The following AHCYL1 variants were observed in gnomAD, a reference collection of about 807,000 sequenced individuals.
AHCYL1 encodes the protein S-adenosylhomocysteine hydrolase-like protein 1.
AHCYL1 carries 20 observed loss-of-function variants against 79.3 expected under a neutral mutation model. That is an observed-to-expected ratio of 0.25 (90% CI 0.18 to 0.37). The LOEUF is 0.37. Ranked by LOEUF, AHCYL1 falls within the 10% of genes least tolerant of loss-of-function variation. AHCYL1 has a pLI of 1.00. For synonymous variants in AHCYL1, 223 were observed against 242.2 expected (o/e 0.92, Z 0.74); for missense variants, 330 against 673.6 (o/e 0.49, Z 5.65).
chr1:110,020,958 T>C, intron 16 of AHCYL1, 107 bp downstream of exon 16: 1 of 1,482,028 alleles, frequency 6.7e-7, no homozygotes, highest in Non-Finnish European at 9.0e-7. Context: ...TTTTGAAGAA[T>C]ACAAGAAATC....
In AHCYL1 at chr1:110,018,568, C is replaced by G; in HGVS notation, c.1235C>G (p.Pro412Arg). Residue 412 changes from proline (P) to arginine (R), a missense_variant, in exon 13 of 17, where the codon CCG (proline) becomes CGG (arginine). Pro to Arg is a moderately radical substitution (Grantham distance 103). This residue lies in a region of AHCYL1 where 119 missense variants were observed against 293.3 expected (regional missense o/e 0.41). Transcript: ENST00000369799. ...TEIDVTSLRT[P>R]ELTWERVRSQ... ...TCCTTTCAGACCAGCCTCCGCACTC[C>G]GGAGCTGACGTGGGAGCGAGTACGT... 1 of 1,614,062 alleles carries G rather than the reference C, an allele frequency of 6.2e-7. No individual in the cohort carries two copies. The highest frequency in any genetic ancestry group is 8.5e-7 in the Non-Finnish European group (1 of 1,180,008).
Position 110,011,217 on chromosome 1 carries a change from C to T in AHCYL1, c.236C>T (p.Ala79Val), listed in dbSNP as rs762851818. 1 of 1,613,218 alleles carries T rather than the reference C, an allele frequency of 6.2e-7. No homozygotes were observed. ...QSSTDSYSSA[A>V]SYTDSSDDEV... The stretch of plus-strand genomic sequence containing the variant: ...TTTTTTTCTTTCCTGGCTCTAGCTG[C>T]ATCCTACACAGATAGCTCTGATGAT... The change falls in exon 3 of 17, where the codon GCA (alanine) becomes GTA (valine). Residue 79 changes from alanine to valine, a missense_variant. By Grantham distance (64) the Ala-to-Val change is moderately conservative. Transcript: ENST00000369799.
Position 110,014,869 on chromosome 1 carries a change from T to G in AHCYL1, c.675+12T>G. 6.2e-7 allele frequency: 1 copy of G among 1,602,836 alleles called. No homozygotes were observed. The highest frequency in any genetic ancestry group is 8.5e-7 in the Non-Finnish European group (1 of 1,169,654). On this transcript the variant is annotated intron_variant, in intron 6 of 16. Transcript: ENST00000369799. The stretch of plus-strand genomic sequence containing the variant: ...GGCAGGCCAACATGGTAATAATGCA[T>G]ATACATCCTACACTTTGACAATAGA...
chr1:110,004,425 G>A (rs1650518652), intron 1 of AHCYL1: 4 of 985,362 alleles, frequency 4.1e-6, no homozygotes, highest in South Asian at 4.7e-5. Flanking sequence ...GCCTGAGATT[G>A]ATTCCCTTGA....
intron 1 of AHCYL1, 72 bp from the exon 2 acceptor site, chr1:110,008,962 T>C: frequency 3.3e-6 from 4 of 1,215,886 alleles, no homozygotes; most frequent in Non-Finnish European, 4.7e-6. Flanking sequence ...AAAGACAATG[T>C]ATCCTTAAAA....
intron 9 of AHCYL1, 41 bp from the exon 10 acceptor site, chr1:110,017,454 C>G: frequency 6.3e-7 from 1 of 1,590,398 alleles, no homozygotes; most frequent in Non-Finnish European, 8.6e-7. Flanking sequence ...ATATCCATGA[C>G]TTAATGAACC....
In AHCYL1 at chr1:110,018,438, A is replaced by G. The variant is rs1301609164; in HGVS notation, c.1189A>G (p.Met397Val). ...RMKNSCIVCN[M>V]GHSNTEIDVT... ...GAAAAACAGTTGTATCGTATGCAAT[A>G]TGGGCCACTCCAACACAGAAATCGA... The change falls in exon 12 of 17, where the codon ATG (methionine) becomes GTG (valine). Residue 397 changes from methionine (M) to valine (V), a missense_variant. Physicochemically the swap from Met to Val is conservative, Grantham distance 21 (BLOSUM62 1). Transcript: ENST00000369799. 6.2e-7 allele frequency: 1 copy of G among 1,614,124 alleles called. No homozygotes were observed.
rs1161839414 is a variant in AHCYL1, at chr1:110,012,822, A to G, written c.478-75A>G. 17 of 1,169,648 alleles carry G rather than the reference A, an allele frequency of 1.5e-5. No individual in the cohort carries two copies. The East Asian group carries it at 3.9e-4, about 27-fold the overall frequency. 72.5% of individuals were successfully genotyped at this position (1,169,648 alleles called of 1,614,324 possible). ...TGGTGCAGAGTTGATAGGTATTGCT[A>G]TCTTGATGAGGCTTGCTCTCCATTC... On this transcript the variant is annotated intron_variant, in intron 4 of 16. Coordinates refer to ENST00000369799, the MANE Select transcript of AHCYL1 (RefSeq NM_006621.7).
rs1162983139 is a variant in AHCYL1 at position 110,023,102 on chromosome 1, C to T, written c.*1422C>T. ...ATTATCCAGGATTTTAAATCCTCAACTTGTTCTAGCTTGTGATCCCTCAAA... is the reference window on the plus strand; with the variant it reads ...ATTATCCAGGATTTTAAATCCTCAATTTGTTCTAGCTTGTGATCCCTCAAA... On this transcript the variant is annotated 3_prime_UTR_variant, in exon 17 of 17. Transcript: ENST00000369799. The T allele has an allele frequency of 6.6e-6, 1 of 152,618 alleles. No individual in the cohort carries two copies. Among genetic ancestry groups the T allele is most frequent in the Admixed American group, 6.5e-5 (1 of 15,284 alleles). 9.5% of individuals were successfully genotyped at this position (152,618 alleles called of 1,614,324 possible).
chr1:110,006,648 C>T (rs1650676363), intron 1 of AHCYL1, among the ~76,000 whole-genome samples: 1 of 152,172 alleles, frequency 6.6e-6, no homozygotes, highest in African/African-American at 2.4e-5. Context: ...GAAAACAGAG[C>T]TACTAGCTGT....
rs757610161 is a variant in AHCYL1 at position 110,016,721 on chromosome 1, C to T, written c.954C>T (p.Gly318=). ...MFGGKQVVVC[G]YGEVGKGCCA... is the part of the protein sequence containing the mutation. ...GTGGGAAACAAGTGGTGGTGTGTGG[C>T]TATGGTGAGGTAAATAGCTGGGTCT... Residue 318 remains glycine, a synonymous_variant, in exon 9 of 17, where the codon GGC becomes GGT. Coordinates refer to ENST00000369799, the MANE Select transcript of AHCYL1 (RefSeq NM_006621.7). 6 of 1,614,082 alleles carry T rather than the reference C, an allele frequency of 3.7e-6. No homozygotes were observed. The highest frequency in any genetic ancestry group is 5.1e-6 in the Non-Finnish European group (6 of 1,180,020).
At chr1:109,994,268 G>GTTTC (rs1400259067) in intron 1 of AHCYL1, among the ~76,000 whole-genome samples, 4 of 151,920 alleles carry the variant, frequency 2.6e-5, no homozygotes, top group Non-Finnish European at 5.9e-5. Flanking sequence ...TGTGTTGTTT[G>GTTTC]TTTGTTTGTT....
At chr1:109,995,252 A>G (rs1649970576) in intron 1 of AHCYL1, among the ~76,000 whole-genome samples, 1 of 152,192 alleles carries the variant, frequency 6.6e-6, no homozygotes, top group African/African-American at 2.4e-5. Context: ...CGGCCCTTGC[A>G]TTCAGGAGGT....
chr1:110,012,532 T>G, intron 4 of AHCYL1, 70 bp downstream of exon 4: 1 of 1,286,678 alleles, frequency 7.8e-7, no homozygotes, highest in Non-Finnish European at 1.0e-6. Context: ...TTTTTTTCAC[T>G]TTTCCTTTCC....
chr1:110,007,387 G>A (rs567435523), intron 1 of AHCYL1, among the ~76,000 whole-genome samples: 1 of 152,282 alleles, frequency 6.6e-6, no homozygotes, highest in East Asian at 1.9e-4. Context: ...CAAAATAACA[G>A]CATATTGAGT....
chr1:110,019,160 T>C (rs1419078315), intron 14 of AHCYL1, 41 bp downstream of exon 14: 1 of 1,582,712 alleles, frequency 6.3e-7, no homozygotes, highest in East Asian at 2.2e-5. Context: ...CTGCAATTTG[T>C]GGAACTGGGC....
chr1:109,997,440 T>C (rs890074171), intron 1 of AHCYL1, among the ~76,000 whole-genome samples: 2 of 152,168 alleles, frequency 1.3e-5, no homozygotes, highest in Non-Finnish European at 2.9e-5. Flanking sequence ...GGAGAGCAGC[T>C]TTCTCCTTAA....
Position 109,985,208 on chromosome 1 carries a change from T to C in AHCYL1, c.120+36T>C, listed in dbSNP as rs757997488. The C allele has an allele frequency of 3.8e-5, 61 of 1,585,376 alleles. 1 individual carries two copies. In the South Asian group the frequency reaches 5.8e-4, roughly 15 times the overall value. ...TCTGGGTGGCGGCGGGGGCTCGGGCTCCGGCCTCGCGGAAGGGACGCGAGC... is the reference window on the plus strand; with the variant it reads ...TCTGGGTGGCGGCGGGGGCTCGGGCCCCGGCCTCGCGGAAGGGACGCGAGC... On this transcript the variant is annotated intron_variant, in intron 1 of 16. Coordinates refer to ENST00000369799, the MANE Select transcript of AHCYL1 (RefSeq NM_006621.7).
chr1:109,984,871 T>G lies in AHCYL1; in HGVS notation c.-182T>G. 1 of 1,012,316 alleles carries G rather than the reference T, an allele frequency of 9.9e-7. No homozygotes were observed. Among genetic ancestry groups the G allele is most frequent in the Non-Finnish European group, 1.3e-6 (1 of 781,714 alleles). 62.7% of individuals were successfully genotyped at this position (1,012,316 alleles called of 1,614,324 possible). ...GGCCGCCGTCGCTGTCCGGCTGCCT[T>G]GGGCTGCCGAACAGACAAGGCGTGG... On this transcript the variant is annotated 5_prime_UTR_variant, in exon 1 of 17. Transcript: ENST00000369799.
Sources: gnomAD v4.1 joint callset for allele counts (sites outside exome capture counted in the v4.1 genomes callset) on GRCh38, gnomAD v4.1.1 for gene constraint, gnomAD v4.1.1 regional missense constraint, MANE v1.5 for transcripts, NCBI Gene and HGNC (gene_info 2026-07-23, HGNC 2026-07-21) for gene names.